Variants in SGCZ observed in about 807,000 individuals in gnomAD.
SGCZ encodes sarcoglycan zeta.
Under a neutral mutation model 41.3 loss-of-function variants are expected in SGCZ, and 40 were observed. The observed-to-expected ratio is 0.97, with a 90% CI of 0.75 to 1.26. The LOEUF (loss-of-function observed/expected upper bound fraction) is 1.26. Ranked by LOEUF, SGCZ falls within the 50% of genes most tolerant of loss-of-function variation. The pLI is 0.00. For missense variants in SGCZ, 552 were observed against 369.8 expected, an observed-to-expected ratio of 1.49 and a Z score of -4.04; for synonymous variants, 206 against 137.5, an observed-to-expected ratio of 1.50 and a Z score of -3.49.
intron 2 of SGCZ, among the ~76,000 whole-genome samples, chr8:14,409,173 A>C (rs1042162402): frequency 1.3e-5 from 2 of 152,124 alleles, no homozygotes; most frequent in Non-Finnish European, 2.9e-5. Flanking sequence ...TCACTCATTT[A>C]TATAACCAAC....
intron 2 of SGCZ, among the ~76,000 whole-genome samples, chr8:14,547,489 A>G (rs936530686): frequency 6.6e-5 from 10 of 152,186 alleles, no homozygotes; most frequent in African/African-American, 9.7e-5. Context: ...TTCATCAAGG[A>G]CATAAGACAT....
intron 3 of SGCZ, among the ~76,000 whole-genome samples, chr8:14,256,286 G>A (rs1417291595): frequency 6.6e-6 from 1 of 152,022 alleles, no homozygotes; most frequent in African/African-American, 2.4e-5. Flanking sequence ...GCATGTATGA[G>A]ACATAGATTT....
intron 1 of SGCZ, among the ~76,000 whole-genome samples, chr8:14,582,552 C>G (rs1804926097): frequency 1.3e-5 from 2 of 151,710 alleles, no homozygotes; most frequent in Admixed American, 1.3e-4. Context: ...GGTACATGTG[C>G]ACAATGTGCA....
intron 2 of SGCZ, among the ~76,000 whole-genome samples, chr8:14,499,768 T>C (rs13279455): frequency 0.19 from 28,583 of 151,992 alleles, 3,225 homozygotes; most frequent in Admixed American, 0.26. Context: ...AATTTGTATA[T>C]AGATATATAT....
intron 4 of SGCZ, among the ~76,000 whole-genome samples, chr8:14,193,740 T>C (rs1472615918): frequency 3.3e-5 from 5 of 151,992 alleles, no homozygotes; most frequent in Admixed American, 6.6e-5. Context: ...AACAAACTTA[T>C]CTAACTTGTC....
intron 1 of SGCZ, among the ~76,000 whole-genome samples, chr8:14,715,122 T>A (rs1809646320): frequency 6.6e-6 from 1 of 152,158 alleles, no homozygotes; most frequent in Admixed American, 6.5e-5. Flanking sequence ...CGATGCATAT[T>A]CATGGAAATC....
chr8:15,027,953 TTTATG>T (rs1563449766), intron 1 of SGCZ, among the ~76,000 whole-genome samples: 1 of 152,106 alleles, frequency 6.6e-6, no homozygotes, highest in African/African-American at 2.4e-5. Context: ...TCTTCTCACC[TTTATG>T]TTAAGTTAAA....
intron 1 of SGCZ, among the ~76,000 whole-genome samples, chr8:15,101,223 C>T (rs937728273): frequency 2.6e-5 from 4 of 152,050 alleles, no homozygotes; most frequent in Non-Finnish European, 5.9e-5. Context: ...ATGTATAATC[C>T]ATGAAATTTA....
At chr8:15,125,776 G>T (rs1807656255) in intron 1 of SGCZ, among the ~76,000 whole-genome samples, 2 of 152,132 alleles carry the variant, frequency 1.3e-5, no homozygotes, top group Non-Finnish European at 2.9e-5. Flanking sequence ...TACTTAAAAA[G>T]TATGCAATGA....
At chr8:14,230,341 A>G (rs1415760594) in intron 4 of SGCZ, among the ~76,000 whole-genome samples, 1 of 152,114 alleles carries the variant, frequency 6.6e-6, no homozygotes, top group Non-Finnish European at 1.5e-5. Flanking sequence ...AATCACAATC[A>G]CTAACTTATA....
In SGCZ at chr8:14,615,390, C is replaced by A. The variant is rs376378760; in HGVS notation, c.40-60464G>T. ...CTCTTCTGTGCTCCTGTATCTGGCC[C>A]ATAAAAGCTCACTGCTCTCACTGCT... is the stretch of plus-strand genomic sequence containing the variant. On this transcript the variant is annotated intron_variant, in intron 1 of 7. Coordinates refer to ENST00000382080, the MANE Select transcript of SGCZ (RefSeq NM_139167.4). 3.3e-5 allele frequency among the ~76,000 whole-genome samples: 5 copies of A among 152,326 alleles called. No individual in the cohort carries two copies. The South Asian group carries it at 8.3e-4, about 25-fold the overall frequency.
At chr8:14,520,945 A>G (rs1452133390) in intron 2 of SGCZ, among the ~76,000 whole-genome samples, 1 of 152,184 alleles carries the variant, frequency 6.6e-6, no homozygotes, top group East Asian at 1.9e-4. Context: ...TAGCAATAGT[A>G]AAACATAGAA....
chr8:14,597,158 C>A (rs35868129), intron 1 of SGCZ, among the ~76,000 whole-genome samples: 56,538 of 151,974 alleles, frequency 0.37, 10,838 homozygotes, highest in Non-Finnish European at 0.42. Context: ...TATTTTAAAT[C>A]AAAAAAGCTG....
chr8:14,412,509 C>A lies in SGCZ; in HGVS notation c.235-88305G>T, dbSNP rs142206977. Among the ~76,000 whole-genome samples the A allele has an allele frequency of 7.5e-4, 114 of 152,206 alleles. 1 individual carries two copies. Among genetic ancestry groups the A allele is most frequent in the African/African-American group, 2.3e-3 (97 of 41,558 alleles). Reference sequence around the variant, plus strand: ...TAATCTCAGCATAAATGCTGCCAGGCCTTGCCTTTTGCAGCTGTTCTGTTT... The same window carrying A: ...TAATCTCAGCATAAATGCTGCCAGGACTTGCCTTTTGCAGCTGTTCTGTTT... On this transcript the variant is annotated intron_variant, in intron 2 of 7. Transcript: ENST00000382080.
intron 3 of SGCZ, among the ~76,000 whole-genome samples, chr8:14,241,349 A>T (rs17292941): frequency 0.28 from 42,679 of 150,618 alleles, 6,520 homozygotes; most frequent in Non-Finnish European, 0.35. Flanking sequence ...CAGATATTTA[A>T]GTTATGTAAA....
At chr8:14,514,560 C>A (rs1277831375) in intron 2 of SGCZ, among the ~76,000 whole-genome samples, 2 of 151,166 alleles carry the variant, frequency 1.3e-5, no homozygotes, top group East Asian at 3.9e-4. Flanking sequence ...TGAATTTTCT[C>A]ATGTTCCCTC....
intron 1 of SGCZ, among the ~76,000 whole-genome samples, chr8:15,230,168 T>C (rs775084740): frequency 2.7e-5 from 4 of 147,200 alleles, no homozygotes; most frequent in Non-Finnish European, 6.0e-5. Flanking sequence ...TAAGTCACTA[T>C]GAATAAGGAT....
chr8:14,504,410 G>T (rs1461428972), intron 2 of SGCZ, among the ~76,000 whole-genome samples: 1 of 152,176 alleles, frequency 6.6e-6, no homozygotes, highest in Non-Finnish European at 1.5e-5. Context: ...CAGCATGATG[G>T]ATTTAAAAGG....
intron 5 of SGCZ, among the ~76,000 whole-genome samples, chr8:14,113,795 A>C (rs1802443437): frequency 6.6e-6 from 1 of 152,058 alleles, no homozygotes; most frequent in Admixed American, 6.6e-5. Context: ...TGTCTGTAGA[A>C]GTCAAGCCCA....
Sources: gnomAD v4.1 joint callset for allele counts (sites outside exome capture counted in the v4.1 genomes callset) on GRCh38, gnomAD v4.1.1 for gene constraint, MANE v1.5 for transcripts, NCBI Gene and HGNC (gene_info 2026-07-23, HGNC 2026-07-21) for gene names.